SCN9A: variants seen among roughly 807,000 people sequenced by gnomAD.
SCN9A encodes sodium voltage-gated channel alpha subunit 9, also known as sodium channel protein type 9 subunit alpha.
SCN9A carries 131 observed loss-of-function variants against 187.0 expected under a neutral mutation model. That is an observed-to-expected ratio of 0.70 (90% CI 0.61 to 0.81). The LOEUF (loss-of-function observed/expected upper bound fraction) is 0.81. Ranked by LOEUF, SCN9A falls within the 30% of genes least tolerant of loss-of-function variation. The pLI, the probability that SCN9A is intolerant of heterozygous loss-of-function variation, is 0.00. For missense variants in SCN9A, 2,252 were observed against 2,396.6 expected, an observed-to-expected ratio of 0.94 and a Z score of 1.26; for synonymous variants, 809 against 808.6, an observed-to-expected ratio of 1.00 and a Z score of -0.01.
At chr2:166,311,342 A>ATATTTAATT (rs1217760608) in intron 2 of SCN9A, among the ~76,000 whole-genome samples, 157 bp downstream of exon 2, 1 of 67,038 alleles carries the variant, frequency 1.5e-5, no homozygotes, top group Non-Finnish European at 3.0e-5. Context: ...ATATATATAT[A>ATATTTAATT]TATATATATA....
At position 166,367,495 on chromosome 2, in the gene SCN9A, A is replaced by G. The variant is rs142909834; in HGVS notation, c.-51+8202T>C. Among the ~76,000 whole-genome samples the G allele has an allele frequency of 4.5e-3, 686 of 152,136 alleles. 7 individuals carry two copies. The highest frequency in any genetic ancestry group is 0.016 in the African/African-American group (667 of 41,538). ...TGACCAGGCTGGTCTCCAACTCCTG[A>G]CCTCAAGTGATCAGCCTGCCTCAGC... On this transcript the variant is annotated intron_variant, in intron 1 of 26. Coordinates refer to ENST00000642356, the MANE Select transcript of SCN9A (RefSeq NM_001365536.1).
At chr2:166,214,641 A>C (rs1411909239) in intron 24 of SCN9A, among the ~76,000 whole-genome samples, 2 of 143,578 alleles carry the variant, frequency 1.4e-5, no homozygotes, top group Non-Finnish European at 3.0e-5. Flanking sequence ...CAGCCTCCCG[A>C]GTAGCTGGGA....
At chr2:166,314,495 C>A (rs544875089) in intron 1 of SCN9A, among the ~76,000 whole-genome samples, 2 of 152,256 alleles carry the variant, frequency 1.3e-5, no homozygotes, top group Non-Finnish European at 1.5e-5. Context: ...TATGTCCACA[C>A]AAGAACGTTT....
intron 26 of SCN9A, among the ~76,000 whole-genome samples, chr2:166,200,878 C>T (rs960582177): frequency 1.6e-4 from 25 of 152,136 alleles, no homozygotes; most frequent in African/African-American, 4.6e-4. Context: ...CAAGTGATTT[C>T]GCCCACCTCG....
At chr2:166,233,229 C>A in intron 21 of SCN9A, 111 bp downstream of exon 21, 4 of 677,294 alleles carry the variant, frequency 5.9e-6, no homozygotes, top group East Asian at 3.3e-5. Flanking sequence ...ACATAAACAG[C>A]CTATGTATTT....
chr2:166,261,911 G>C (rs1696524819), intron 17 of SCN9A, among the ~76,000 whole-genome samples: 1 of 151,908 alleles, frequency 6.6e-6, no homozygotes, highest in African/African-American at 2.4e-5. Flanking sequence ...GGTTCAAAGA[G>C]AGCAAAGTGA....
Position 166,340,541 on chromosome 2 carries a change from C to CCTTTCTTTCTTTCTTTCTTT in SCN9A, c.-50-28755_-50-28736dup, listed in dbSNP as rs201511761. Reference sequence around the variant, plus strand: ...TTCCCTCTCTCCTTTCTTTTCTTTCCCTTTCTTTCTTTCTTTCTTTCTTTC... The same window carrying CCTTTCTTTCTTTCTTTCTTT: ...TTCCCTCTCTCCTTTCTTTTCTTTCCCTTTCTTTCTTTCTTTCTTTCTTTCTTTCTTTCTTTCTTTCTTTC... On this transcript the variant is annotated intron_variant, in intron 1 of 26. Coordinates refer to ENST00000642356, the MANE Select transcript of SCN9A (RefSeq NM_001365536.1). 5.9e-4 allele frequency among the ~76,000 whole-genome samples: 40 copies of CCTTTCTTTCTTTCTTTCTTT among 67,842 alleles called. 1 individual carries two copies. Among genetic ancestry groups the CCTTTCTTTCTTTCTTTCTTT allele is most frequent in the East Asian group, 2.0e-3 (6 of 2,936 alleles). The allele number at this position is 67,842 out of a possible 152,430, so 44.5% of individuals were successfully genotyped here.
chr2:166,327,309 T>G (rs1310512968), intron 1 of SCN9A, among the ~76,000 whole-genome samples: 1 of 152,066 alleles, frequency 6.6e-6, no homozygotes, highest in African/African-American at 2.4e-5. Flanking sequence ...CGTGCCACCA[T>G]GCTGGGCTAA....
intron 17 of SCN9A, among the ~76,000 whole-genome samples, chr2:166,265,453 G>T (rs753434613): frequency 6.6e-6 from 1 of 151,728 alleles, no homozygotes; most frequent in African/African-American, 2.4e-5. Context: ...ATTTATTTAC[G>T]ATCATTTAGG....
At chr2:166,208,313 C>A (rs1227329069) in intron 24 of SCN9A, among the ~76,000 whole-genome samples, 2 of 152,078 alleles carry the variant, frequency 1.3e-5, no homozygotes, top group East Asian at 3.9e-4. Flanking sequence ...TAAGTAAAAC[C>A]ACCTCATCAT....
chr2:166,241,648 C>T (rs907858805), intron 19 of SCN9A, among the ~76,000 whole-genome samples: 4 of 148,376 alleles, frequency 2.7e-5, no homozygotes, highest in South Asian at 2.2e-4. Context: ...TTTCTAGACC[C>T]TGAAAAGCAC....
chr2:166,303,744 A>G (rs1698658947), intron 6 of SCN9A, among the ~76,000 whole-genome samples: 1 of 152,102 alleles, frequency 6.6e-6, no homozygotes, highest in Non-Finnish European at 1.5e-5. Flanking sequence ...TCTCTTTCCT[A>G]AGTATTTTAA....
rs561454355 is a variant in SCN9A, at chr2:166,300,090, C to T, written c.901+3000G>A. Among the ~76,000 whole-genome samples the T allele has an allele frequency of 3.6e-4, 54 of 150,936 alleles. 4 individuals carry two copies. The highest frequency in any genetic ancestry group is 1.3e-3 in the African/African-American group (54 of 40,274). On this transcript the variant is annotated intron_variant, in intron 7 of 26. Transcript: ENST00000642356. ...AACCTTCAACTTACCTTTCTTATTC[C>T]CATCTACCATCTACCCTTGCTCAAT... is the stretch of plus-strand genomic sequence containing the variant.
chr2:166,198,459 CAGAGTTCTCTT>C lies in SCN9A; in HGVS notation c.*202_*212del. 1.9e-6 allele frequency: 1 copy of C among 521,228 alleles called. No homozygotes were observed. The highest frequency in any genetic ancestry group is 3.4e-6 in the Non-Finnish European group (1 of 296,536). The allele number at this position is 521,228 out of a possible 1,614,324, so 32.3% of individuals were successfully genotyped here. Reference sequence around the variant, plus strand: ...TGTATGCTATAATCAATAATTCCTACAGAGTTCTCTTACGATTCTTAAAGAATCATCAGTGC... The same window carrying C: ...TGTATGCTATAATCAATAATTCCTACACGATTCTTAAAGAATCATCAGTGC... On this transcript the variant is annotated 3_prime_UTR_variant, in exon 27 of 27. Transcript: ENST00000642356.
intron 5 of SCN9A, among the ~76,000 whole-genome samples, chr2:166,304,782 G>C (rs185898649): frequency 1.3e-5 from 2 of 152,194 alleles, no homozygotes; most frequent in Non-Finnish European, 2.9e-5. Context: ...AAATTGAAGT[G>C]ACTGCTAATG....
intron 4 of SCN9A, 79 bp from the exon 5 acceptor site, chr2:166,305,999 T>G: frequency 6.5e-7 from 1 of 1,544,976 alleles, no homozygotes. Flanking sequence ...TTATTTTCTC[T>G]AATTAACCAC....
intron 17 of SCN9A, among the ~76,000 whole-genome samples, chr2:166,260,624 G>A (rs1212709505): frequency 6.6e-6 from 1 of 151,760 alleles, no homozygotes; most frequent in Non-Finnish European, 1.5e-5. Context: ...TACCTTTGAA[G>A]TACATGAAGT....
intron 18 of SCN9A, among the ~76,000 whole-genome samples, chr2:166,244,904 G>A (rs771314640): frequency 3.3e-5 from 5 of 152,076 alleles, no homozygotes; most frequent in Non-Finnish European, 7.4e-5. Flanking sequence ...TTAAGAAGGT[G>A]ATGGAGGAAA....
intron 17 of SCN9A, among the ~76,000 whole-genome samples, chr2:166,271,858 G>A (rs534935032): frequency 3.3e-5 from 5 of 151,312 alleles, no homozygotes; most frequent in East Asian, 3.9e-4. Context: ...ACCTGTCTCC[G>A]TTTTTTAAAA....
Sources: allele counts gnomAD v4.1 joint callset (sites outside exome capture counted in the v4.1 genomes callset), GRCh38; gene constraint gnomAD v4.1.1; transcripts MANE v1.5; gene names NCBI Gene and HGNC (gene_info 2026-07-23, HGNC 2026-07-21).